The following RASGEF1C variants were observed in gnomAD, a reference collection of about 807,000 sequenced individuals.
RASGEF1C encodes the protein RasGEF domain family member 1C, also known as ras-GEF domain-containing family member 1C.
RASGEF1C carries 27 observed loss-of-function variants against 58.1 expected under a neutral mutation model. The observed-to-expected ratio is 0.46, with a 90% CI of 0.34 to 0.64. The LOEUF (loss-of-function observed/expected upper bound fraction) is 0.64, where lower values mean the gene tolerates loss of function less well. Among genes scored for constraint, RASGEF1C ranks in the 30% least tolerant of loss-of-function variants. The pLI is 0.01. For missense variants in RASGEF1C, 502 were observed against 605.1 expected, an observed-to-expected ratio of 0.83 and a Z score of 1.79; for synonymous variants, 243 against 246.3, an observed-to-expected ratio of 0.99 and a Z score of 0.13.
intron 1 of RASGEF1C, among the ~76,000 whole-genome samples, chr5:180,184,832 C>A (rs991508769): frequency 4.6e-5 from 7 of 152,316 alleles, no homozygotes; most frequent in African/African-American, 1.4e-4. Context: ...GACAAAGGGT[C>A]ATCCATAAAG....
At chr5:180,160,799 A>T (rs1423875957) in intron 1 of RASGEF1C, among the ~76,000 whole-genome samples, 1 of 152,216 alleles carries the variant, frequency 6.6e-6, no homozygotes, top group Non-Finnish European at 1.5e-5. Context: ...AAAACCAGGC[A>T]GACCCCTGGT....
intron 1 of RASGEF1C, among the ~76,000 whole-genome samples, chr5:180,181,186 T>A (rs1767317744): frequency 1.3e-5 from 2 of 152,132 alleles, no homozygotes; most frequent in Non-Finnish European, 2.9e-5. Context: ...TGGGCTGCAA[T>A]CCCACCGGGA....
chr5:180,173,899 C>A (rs186355533), intron 1 of RASGEF1C, among the ~76,000 whole-genome samples: 79 of 130,772 alleles, frequency 6.0e-4, no homozygotes, highest in African/African-American at 2.3e-3. Context: ...GGCAACAGAG[C>A]GAGACTGTCT....
intron 1 of RASGEF1C, among the ~76,000 whole-genome samples, chr5:180,199,028 C>G (rs1017588912): frequency 6.6e-5 from 10 of 152,200 alleles, no homozygotes; most frequent in East Asian, 1.9e-4. Flanking sequence ...CAAAGCCTAC[C>G]CAGGCCCCTA....
At chr5:180,103,231 C>G (rs915868311) in intron 12 of RASGEF1C, among the ~76,000 whole-genome samples, 3 of 152,160 alleles carry the variant, frequency 2.0e-5, no homozygotes, top group Non-Finnish European at 4.4e-5. Flanking sequence ...GTACCCACCA[C>G]CACGCCCGGC....
Position 180,137,992 on chromosome 5 carries a change from TG to T in RASGEF1C, c.60del (p.Thr21ProfsTer26). On this transcript the variant is annotated frameshift_variant, in exon 2 of 14. Coordinates refer to ENST00000361132, the MANE Select transcript of RASGEF1C (RefSeq NM_175062.4). LOFTEE classifies it high-confidence loss of function. The surrounding 1 kb of genome is among the most constrained non-coding windows in gnomAD (Gnocchi z 4.1). ...MVTPGSLSPP[P>X]TEPTDGEQAG... is the part of the protein sequence containing the mutation. ...GCCTGTTCGCCATCTGTGGGCTCGG[TG>T]GGGGGTGGGCTGAGGCTGCCTGGGG... 5 of 1,582,054 alleles carry T rather than the reference TG, an allele frequency of 3.2e-6. No homozygotes were observed. The highest frequency in any genetic ancestry group is 2.3e-5 in the East Asian group (1 of 43,488).
At position 180,190,344 on chromosome 5, in the gene RASGEF1C, G is replaced by T. The variant is rs575129459; in HGVS notation, c.-7+18684C>A. Among the ~76,000 whole-genome samples, 567 of 151,812 alleles carry T rather than the reference G, an allele frequency of 3.7e-3. 4 individuals carry two copies. Among genetic ancestry groups the T allele is most frequent in the African/African-American group, 0.013 (518 of 41,388 alleles). On this transcript the variant is annotated intron_variant, in intron 1 of 13. Coordinates refer to ENST00000361132, the MANE Select transcript of RASGEF1C (RefSeq NM_175062.4). ...CTACTAAAAACAAAACAAAAAATTA[G>T]CCGGGCGTGGTGGCGGGCGCCTGTA...
At chr5:180,102,029 T>A (rs777075148) in intron 13 of RASGEF1C, 42 bp downstream of exon 13, 3 of 981,818 alleles carry the variant, frequency 3.1e-6, no homozygotes, top group Non-Finnish European at 4.7e-6. Context: ...GAGCTTTCCA[T>A]CCCAAGCAGC....
chr5:180,160,837 G>A (rs1261603257), intron 1 of RASGEF1C, among the ~76,000 whole-genome samples: 3 of 152,142 alleles, frequency 2.0e-5, no homozygotes, highest in Non-Finnish European at 4.4e-5. Context: ...CGTCCTACAA[G>A]TGCTCGAAGG....
At chr5:180,132,626 G>A (rs978447313) in intron 4 of RASGEF1C, among the ~76,000 whole-genome samples, 15 of 152,230 alleles carry the variant, frequency 9.9e-5, no homozygotes, top group Admixed American at 7.2e-4. Context: ...CACAGAGGGA[G>A]CCTCACAGGG....
At chr5:180,150,289 G>A (rs907230397) in intron 1 of RASGEF1C, among the ~76,000 whole-genome samples, 9 of 151,794 alleles carry the variant, frequency 5.9e-5, no homozygotes, top group Non-Finnish European at 1.2e-4. Context: ...TCTTTTTCTT[G>A]ACTGCTACTT....
At chr5:180,146,069 AT>A (rs1306769425) in intron 1 of RASGEF1C, among the ~76,000 whole-genome samples, 5 of 152,148 alleles carry the variant, frequency 3.3e-5, no homozygotes, top group Non-Finnish European at 7.3e-5. Flanking sequence ...CAATTCGTCT[AT>A]TTTTGTCTTT....
At chr5:180,203,673 G>C (rs1756438496) in intron 1 of RASGEF1C, among the ~76,000 whole-genome samples, 1 of 152,126 alleles carries the variant, frequency 6.6e-6, no homozygotes, top group Non-Finnish European at 1.5e-5. Flanking sequence ...TTAGTACACA[G>C]CAATAGATAA....
At chr5:180,134,822 CTT>C in intron 4 of RASGEF1C, among the ~76,000 whole-genome samples, 1 of 6,602 alleles carries the variant, frequency 1.5e-4, no homozygotes, top group Admixed American at 1.1e-3. Context: ...TCTACCCTTG[CTT>C]CCTCCTTTCT....
chr5:180,179,617 C>T (rs569462994), intron 1 of RASGEF1C, among the ~76,000 whole-genome samples: 2 of 152,318 alleles, frequency 1.3e-5, no homozygotes, highest in African/African-American at 2.4e-5. Flanking sequence ...GAGGCTCCCA[C>T]GCTGCCGAGA....
At chr5:180,175,830 T>C (rs1365467854) in intron 1 of RASGEF1C, among the ~76,000 whole-genome samples, 1 of 151,724 alleles carries the variant, frequency 6.6e-6, no homozygotes, top group East Asian at 1.9e-4. Context: ...CTAGTAAAAA[T>C]ATAAAAAATT....
chr5:180,183,149 A>T (rs1470594322), intron 1 of RASGEF1C, among the ~76,000 whole-genome samples: 1 of 152,198 alleles, frequency 6.6e-6, no homozygotes, highest in Non-Finnish European at 1.5e-5. Flanking sequence ...GACTCTCCTG[A>T]TGGTCTTGAA....
chr5:180,138,045 T>C lies in RASGEF1C; in HGVS notation c.8A>G (p.Gln3Arg), dbSNP rs1766516960. Residue 3 changes from glutamine to arginine, a missense_variant, in exon 2 of 14, where the codon CAG becomes CGG. By Grantham distance (43) the Gln-to-Arg change is conservative (BLOSUM62 1). Coordinates refer to ENST00000361132, the MANE Select transcript of RASGEF1C (RefSeq NM_175062.4). ...GACCATGTCGGAGGCACTCAGCGTCTGTGGCATGTCTGCCTGCAATGGCAA... is the reference window on the plus strand; with the variant it reads ...GACCATGTCGGAGGCACTCAGCGTCCGTGGCATGTCTGCCTGCAATGGCAA... MP[Q>R]TLSASDMVTP... 4.0e-6 allele frequency: 6 copies of C among 1,504,582 alleles called. No individual in the cohort carries two copies. The highest frequency in any genetic ancestry group is 5.3e-6 in the Non-Finnish European group (6 of 1,132,218). The allele number at this position is 1,504,582 out of a possible 1,614,324, so 93.2% of individuals were successfully genotyped here. A position where few individuals can be genotyped will look rare whatever the true frequency, so the allele number is the denominator to read the frequency against.
intron 1 of RASGEF1C, among the ~76,000 whole-genome samples, chr5:180,153,710 A>G (rs1766803889): frequency 6.6e-6 from 1 of 152,360 alleles, no homozygotes. Context: ...GCAGAAGTCA[A>G]TCATGTCTAC....
Sources: gnomAD v4.1 joint callset for allele counts (sites outside exome capture counted in the v4.1 genomes callset) on GRCh38, gnomAD v4.1.1 for gene constraint, Gnocchi (gnomAD v3.1) non-coding constraint, MANE v1.5 for transcripts, NCBI Gene and HGNC (gene_info 2026-07-23, HGNC 2026-07-21) for gene names.